The following CCND2 variants were observed in gnomAD, a reference collection of about 807,000 sequenced individuals.
CCND2 encodes the protein cyclin D2.
CCND2 carries 6 observed loss-of-function variants against 30.2 expected under a neutral mutation model. The observed-to-expected ratio is 0.20, with a 90% CI of 0.11 to 0.39. The LOEUF (loss-of-function observed/expected upper bound fraction) is 0.39. CCND2 is among the 10% of genes least tolerant of loss of function. CCND2 has a pLI of 1.00. For missense variants in CCND2, 235 were observed against 373.4 expected, an observed-to-expected ratio of 0.63 and a Z score of 3.06; for synonymous variants, 150 against 153.1, an observed-to-expected ratio of 0.98 and a Z score of 0.15.
Position 4,274,082 on chromosome 12 carries a change from C to G in CCND2, c.42C>G (p.Ala14=). The part of the protein sequence containing the change: ...LCHEVDPVRR[A]VRDRNLLRDD... ...ACGAGGTGGACCCGGTCCGCAGGGC[C>G]GTGCGGGACCGCAACCTGCTCCGAG... The change falls in exon 1 of 5, where the codon GCC becomes GCG. Residue 14 remains alanine, a synonymous_variant. Coordinates refer to ENST00000261254, the MANE Select transcript of CCND2 (RefSeq NM_001759.4). This position sits in a 1 kb window ranked among gnomAD's most constrained non-coding sequence, Gnocchi z 7.7. 1 of 1,613,430 alleles carries G rather than the reference C, an allele frequency of 6.2e-7. No individual in the cohort carries two copies. The highest frequency in any genetic ancestry group is 8.5e-7 in the Non-Finnish European group (1 of 1,179,816).
At chr12:4,292,505 G>A (rs1435309828) in intron 4 of CCND2, among the ~76,000 whole-genome samples, 1 of 152,066 alleles carries the variant, frequency 6.6e-6, no homozygotes, top group Non-Finnish European at 1.5e-5. Flanking sequence ...AGATGGCCAG[G>A]CGAGTCTCTG....
chr12:4,286,305 A>G (rs1183556122), intron 3 of CCND2, among the ~76,000 whole-genome samples: 1 of 152,206 alleles, frequency 6.6e-6, no homozygotes, highest in Non-Finnish European at 1.5e-5. Context: ...AGTTAGAAAA[A>G]CACTTATCTC....
intron 2 of CCND2, among the ~76,000 whole-genome samples, chr12:4,278,436 G>A (rs909229298): frequency 2.0e-5 from 3 of 152,124 alleles, no homozygotes; most frequent in Admixed American, 6.5e-5. Flanking sequence ...CTGGGTGGGC[G>A]GGAAGCAGTA....
At chr12:4,277,675 T>C (rs1223001338) in intron 2 of CCND2, among the ~76,000 whole-genome samples, 1 of 152,178 alleles carries the variant, frequency 6.6e-6, no homozygotes. Flanking sequence ...ATGAGAAGGC[T>C]GAGGCCTGGG....
Position 4,305,000 on chromosome 12 carries a change from C to CT in CCND2, c.*5002dup, listed in dbSNP as rs61152953. On this transcript the variant is annotated 3_prime_UTR_variant, in exon 5 of 5. Coordinates refer to ENST00000261254, the MANE Select transcript of CCND2 (RefSeq NM_001759.4). This position sits in a 1 kb window ranked among gnomAD's most constrained non-coding sequence, Gnocchi z 6.2. The stretch of plus-strand genomic sequence containing the variant: ...GGACTTTTTTTTTTCTTTTCTTTTT[C>CT]TTTTTTTTTTTGCTTTAAAACAAGT... 6.6e-3 allele frequency: 1,347 copies of CT among 203,060 alleles called. No individual in the cohort carries two copies. Among genetic ancestry groups the CT allele is most frequent in the Middle Eastern group, 0.02 (13 of 660 alleles). The allele number at this position is 203,060 out of a possible 1,614,324, so 12.6% of individuals were successfully genotyped here. A position where few individuals can be genotyped will look rare whatever the true frequency, so the allele number is the denominator to read the frequency against.
intron 3 of CCND2, 107 bp from the exon 4 acceptor site, chr12:4,288,735 C>G (rs371741761): frequency 1.0e-5 from 11 of 1,088,062 alleles, no homozygotes; most frequent in Non-Finnish European, 1.5e-5. Context: ...CGGGGTCACT[C>G]GCGCCGCTGA....
chr12:4,281,098 G>C (rs1863941936), intron 3 of CCND2, among the ~76,000 whole-genome samples: 1 of 152,174 alleles, frequency 6.6e-6, no homozygotes, highest in African/African-American at 2.4e-5. Flanking sequence ...AACTAGCTTT[G>C]GTCAGGGACT....
Position 4,287,247 on chromosome 12 carries a change from G to C in CCND2, c.572-1595G>C, listed in dbSNP as rs1864036844. Among the ~76,000 whole-genome samples the C allele has an allele frequency of 6.6e-6, 1 of 152,182 alleles. No individual in the cohort carries two copies. The highest frequency in any genetic ancestry group is 1.5e-5 in the Non-Finnish European group (1 of 68,028). ...TCTGCGTTCATGATGGGAGGGGAGG[G>C]CTGTGCTTGGCTCAGGGATCCACGG... is the stretch of plus-strand genomic sequence containing the variant. On this transcript the variant is annotated intron_variant, in intron 3 of 4. Transcript: ENST00000261254. The surrounding 1 kb of genome is among the most constrained non-coding windows in gnomAD (Gnocchi z 4.0).
Position 4,273,897 on chromosome 12 carries a change from C to G in CCND2, c.-144C>G, listed in dbSNP as rs1353351494. On this transcript the variant is annotated 5_prime_UTR_variant, in exon 1 of 5. Transcript: ENST00000261254. This position sits in a 1 kb window ranked among gnomAD's most constrained non-coding sequence, Gnocchi z 5.9. ...TTCTGCTCCACCTTCTCTCTCTGCCCTCACCTCTCCCCCGAAAACCCCCTA... is the reference window on the plus strand; with the variant it reads ...TTCTGCTCCACCTTCTCTCTCTGCCGTCACCTCTCCCCCGAAAACCCCCTA... 2.6e-6 allele frequency: 2 copies of G among 763,968 alleles called. No individual in the cohort carries two copies. The highest frequency in any genetic ancestry group is 3.5e-5 in the African/African-American group (2 of 56,868). 47.3% of individuals were successfully genotyped at this position (763,968 alleles called of 1,614,324 possible).
chr12:4,273,862 C>A lies in CCND2; in HGVS notation c.-179C>A, dbSNP rs550500784. 3.1e-6 allele frequency: 2 copies of A among 645,580 alleles called. No homozygotes were observed. Among genetic ancestry groups the A allele is most frequent in the South Asian group, 3.9e-5 (2 of 51,844 alleles). 40.0% of individuals were successfully genotyped at this position (645,580 alleles called of 1,614,324 possible). A position where few individuals can be genotyped will look rare whatever the true frequency, so the allele number is the denominator to read the frequency against. On this transcript the variant is annotated 5_prime_UTR_variant, in exon 1 of 5. Transcript: ENST00000261254. This position sits in a 1 kb window ranked among gnomAD's most constrained non-coding sequence, Gnocchi z 5.9. Reference sequence around the variant, plus strand: ...GGCTCTGCTCGCCCACCACCCAATCCTCGCCTCCCTTCTGCTCCACCTTCT... The same window carrying A: ...GGCTCTGCTCGCCCACCACCCAATCATCGCCTCCCTTCTGCTCCACCTTCT...
chr12:4,288,700 C>T (rs1864056161), intron 3 of CCND2, 142 bp from the exon 4 acceptor site: 13 of 695,326 alleles, frequency 1.9e-5, no homozygotes, highest in East Asian at 5.7e-5. Context: ...TGAAAGAACT[C>T]GAGGGAGGAC....
In CCND2 at chr12:4,285,248, G is replaced by A. The variant is rs1170730140; in HGVS notation, c.572-3594G>A. 5.0e-5 allele frequency: 49 copies of A among 980,312 alleles called. No individual in the cohort carries two copies. The highest frequency in any genetic ancestry group is 6.2e-5 in the Admixed American group (1 of 16,238). 60.7% of individuals were successfully genotyped at this position (980,312 alleles called of 1,614,324 possible). The stretch of plus-strand genomic sequence containing the variant: ...AGTCGATCAGAATGGATCGCTGATC[G>A]GTTCATTGCCTCTCTCTCTGCTGCA... On this transcript the variant is annotated intron_variant, in intron 3 of 4. Transcript: ENST00000261254. The surrounding 1 kb of genome is among the most constrained non-coding windows in gnomAD (Gnocchi z 4.1).
Position 4,300,161 on chromosome 12 carries a change from G to GAA in CCND2, c.*156_*157dup, listed in dbSNP as rs1864229380. The GAA allele has an allele frequency of 1.3e-6, 1 of 742,556 alleles. No homozygotes were observed. The highest frequency in any genetic ancestry group is 2.4e-5 in the South Asian group (1 of 42,484). 46.0% of individuals were successfully genotyped at this position (742,556 alleles called of 1,614,324 possible). ...ATTTAAAGATCTTTTAGAAGTGAGA[G>GAA]AAAAAGGTCCTACGAAAACGGAATA... On this transcript the variant is annotated 3_prime_UTR_variant, in exon 5 of 5. Coordinates refer to ENST00000261254, the MANE Select transcript of CCND2 (RefSeq NM_001759.4).
chr12:4,293,954 G>T lies in CCND2; in HGVS notation c.720+4964G>T, dbSNP rs1021778922. The stretch of plus-strand genomic sequence containing the variant: ...CTCATTTTTCTGTGGGCCTCATTTG[G>T]TATGCAAGGAAATAAGCCAAACAGC... On this transcript the variant is annotated intron_variant, in intron 4 of 4. Coordinates refer to ENST00000261254, the MANE Select transcript of CCND2 (RefSeq NM_001759.4). The surrounding 1 kb of genome is among the most constrained non-coding windows in gnomAD (Gnocchi z 4.9). 1.3e-5 allele frequency among the ~76,000 whole-genome samples: 2 copies of T among 152,134 alleles called. No individual in the cohort carries two copies. Among genetic ancestry groups the T allele is most frequent in the African/African-American group, 4.8e-5 (2 of 41,402 alleles).
chr12:4,292,907 C>T (rs1320946310), intron 4 of CCND2, among the ~76,000 whole-genome samples: 3 of 152,098 alleles, frequency 2.0e-5, no homozygotes, highest in African/African-American at 2.4e-5. Context: ...AGTCGGGCTG[C>T]GTGCCAGCAT....
rs1591649635 is a variant in CCND2, at chr12:4,293,508, C to T, written c.720+4518C>T. ...GTTTGGGCTTCAGTCGAACCCGTCA[C>T]CCAGACAGTGTACACAGTACCCAAT... On this transcript the variant is annotated intron_variant, in intron 4 of 4. Transcript: ENST00000261254. The surrounding 1 kb of genome is among the most constrained non-coding windows in gnomAD (Gnocchi z 4.9). 6.6e-6 allele frequency among the ~76,000 whole-genome samples: 1 copy of T among 152,328 alleles called. No homozygotes were observed. Among genetic ancestry groups the T allele is most frequent in the East Asian group, 1.9e-4 (1 of 5,194 alleles).
intron 3 of CCND2, among the ~76,000 whole-genome samples, chr12:4,280,268 G>A (rs1046112582): frequency 2.6e-5 from 4 of 152,254 alleles, no homozygotes; most frequent in East Asian, 1.9e-4. Context: ...TAACTGTTCC[G>A]ACTAAAGTGG....
intron 1 of CCND2, chr12:4,275,234 G>A (rs1209004800): frequency 6.6e-6 from 1 of 152,040 alleles, no homozygotes; most frequent in African/African-American, 2.4e-5. Flanking sequence ...CACTCCCGCC[G>A]CGGCGCTCAC....
At position 4,299,624 on chromosome 12, in the gene CCND2, C is replaced by CT. The variant is rs1249840953; in HGVS notation, c.721-235dup. 2.0e-5 allele frequency among the ~76,000 whole-genome samples: 3 copies of CT among 152,162 alleles called. No individual in the cohort carries two copies. The highest frequency in any genetic ancestry group is 4.4e-5 in the Non-Finnish European group (3 of 68,036). On this transcript the variant is annotated intron_variant, in intron 4 of 4. Transcript: ENST00000261254. This position sits in a 1 kb window ranked among gnomAD's most constrained non-coding sequence, Gnocchi z 5.2. Reference sequence around the variant, plus strand: ...TTCTGAATAGCTCGGCCTGGGTTGACTGAGATTCTGCGGTTCCAACAAGCT... The same window carrying CT: ...TTCTGAATAGCTCGGCCTGGGTTGACTTGAGATTCTGCGGTTCCAACAAGCT...
Sources: gnomAD v4.1 joint callset for allele counts (sites outside exome capture counted in the v4.1 genomes callset) on GRCh38, gnomAD v4.1.1 for gene constraint, Gnocchi (gnomAD v3.1) non-coding constraint, MANE v1.5 for transcripts, NCBI Gene and HGNC (gene_info 2026-07-23, HGNC 2026-07-21) for gene names.